Variants in VPS13C observed in about 807,000 individuals in gnomAD.
The protein encoded by VPS13C is intermembrane lipid transfer protein VPS13C.
VPS13C carries 358 observed loss-of-function variants against 456.8 expected under a neutral mutation model. The observed-to-expected ratio is 0.78, with a 90% CI of 0.72 to 0.86. VPS13C has a LOEUF of 0.86. Among genes scored for constraint, VPS13C ranks in the 40% least tolerant of loss-of-function variants. The pLI is 0.00. For missense variants in VPS13C, 4,818 were observed against 4,385.4 expected, an observed-to-expected ratio of 1.10 and a Z score of -2.79; for synonymous variants, 1,578 against 1,486.7, an observed-to-expected ratio of 1.06 and a Z score of -1.41.
At chr15:62,012,926 G>T in intron 11 of VPS13C, 113 bp downstream of exon 11, 1 of 583,468 alleles carries the variant, frequency 1.7e-6, no homozygotes, top group Non-Finnish European at 2.8e-6. Context: ...CTGATTTAGT[G>T]AAATACAAGT....
chr15:61,878,871 T>C (rs1374902567), intron 73 of VPS13C, 125 bp from the exon 74 acceptor site: 2 of 976,964 alleles, frequency 2.0e-6, no homozygotes, highest in Non-Finnish European at 2.9e-6. Context: ...AAAGCTATTA[T>C]TTGATACCAC....
chr15:61,947,075 A>G, intron 43 of VPS13C, 118 bp downstream of exon 43: 1 of 647,370 alleles, frequency 1.5e-6, no homozygotes, highest in Non-Finnish European at 2.6e-6. Flanking sequence ...AAAAGTTTGC[A>G]AAGTCTTCAA....
rs2043319509 is a variant in VPS13C at position 61,912,128 on chromosome 15, T to C, written c.8551-124A>G. The C allele has an allele frequency of 5.6e-6, 5 of 898,574 alleles. No individual in the cohort carries two copies. In the Admixed American group the frequency reaches 1.2e-4, roughly 22 times the overall value. The allele number at this position is 898,574 out of a possible 1,614,324, so 55.7% of individuals were successfully genotyped here. Reference sequence around the variant, plus strand: ...AATAATAATTCTTAAATAAAGCAACTATAAGTTACATTCTGCAAAAGATTA... The same window carrying C: ...AATAATAATTCTTAAATAAAGCAACCATAAGTTACATTCTGCAAAAGATTA... On this transcript the variant is annotated intron_variant, in intron 62 of 84. Transcript: ENST00000644861.
rs1893798150 is a variant in VPS13C at position 61,854,446 on chromosome 15, G to A, written c.*11C>T. ...GTTTTTTCTCCCTGTTGGAGCCCCT[G>A]AGGTCTGTGATTAAGATGGCAATTG... is the stretch of plus-strand genomic sequence containing the variant. On this transcript the variant is annotated 3_prime_UTR_variant, in exon 85 of 85. Transcript: ENST00000644861. 2 of 1,611,840 alleles carry A rather than the reference G, an allele frequency of 1.2e-6. No individual in the cohort carries two copies. The highest frequency in any genetic ancestry group is 2.7e-5 in the African/African-American group (2 of 74,872).
In VPS13C at chr15:61,919,191, T is replaced by C. The variant is rs963023; in HGVS notation, c.7638+98A>G. The C allele has an allele frequency of 0.044, 52,551 of 1,193,894 alleles. 2,695 individuals are homozygous for C. Among genetic ancestry groups the C allele is most frequent in the East Asian group, 0.22 (7,990 of 36,630 alleles). The allele number at this position is 1,193,894 out of a possible 1,614,324, so 74.0% of individuals were successfully genotyped here. The stretch of plus-strand genomic sequence containing the variant: ...ACTATTTATTTCTGAATAATCAGAA[T>C]TGACCTGATGAAGTTTTACTGTATT... On this transcript the variant is annotated intron_variant, in intron 58 of 84. Transcript: ENST00000644861.
Position 61,940,597 on chromosome 15 carries a change from C to T in VPS13C, c.5601+50G>A, listed in dbSNP as rs7172838. ...TCCACTAGAACTGCACTATGATCAA[C>T]GAGAAAAGCCTATCAAGAAATTTTC... On this transcript the variant is annotated intron_variant, in intron 47 of 84. Coordinates refer to ENST00000644861, the MANE Select transcript of VPS13C (RefSeq NM_020821.3). 858,974 of 1,562,220 alleles carry T rather than the reference C, an allele frequency of 0.55. 238,082 individuals are homozygous for T. The highest frequency in any genetic ancestry group is 0.68 in the Admixed American group (37,901 of 56,010).
At chr15:61,888,765 T>C (rs1270805799) in intron 67 of VPS13C, among the ~76,000 whole-genome samples, 1 of 152,168 alleles carries the variant, frequency 6.6e-6, no homozygotes, top group African/African-American at 2.4e-5. Context: ...TCTTATATAA[T>C]ACTGTAATGG....
intron 66 of VPS13C, among the ~76,000 whole-genome samples, chr15:61,894,470 G>A (rs2042744444): frequency 6.6e-6 from 1 of 151,960 alleles, no homozygotes; most frequent in Non-Finnish European, 1.5e-5. Context: ...CCAACTATAT[G>A]TTGTCTACCA....
At chr15:61,999,441 G>T (rs1217477130) in intron 16 of VPS13C, among the ~76,000 whole-genome samples, 1 of 151,874 alleles carries the variant, frequency 6.6e-6, no homozygotes. Context: ...TAATTGTGTG[G>T]GGGCTTGGCG....
chr15:62,050,719 T>C (rs2048588443), intron 1 of VPS13C, among the ~76,000 whole-genome samples: 1 of 147,522 alleles, frequency 6.8e-6, no homozygotes, highest in African/African-American at 2.5e-5. Context: ...GAAGAATCAC[T>C]CGAACCAGAA....
chr15:62,015,415 A>G (rs1000043458), intron 9 of VPS13C, among the ~76,000 whole-genome samples: 1 of 151,994 alleles, frequency 6.6e-6, no homozygotes, highest in Admixed American at 6.6e-5. Context: ...TGTTTTGGAC[A>G]TGAAGTCCTT....
At chr15:62,005,657 G>T (rs551351728) in intron 15 of VPS13C, among the ~76,000 whole-genome samples, 4 of 150,240 alleles carry the variant, frequency 2.7e-5, no homozygotes, top group African/African-American at 9.8e-5. Context: ...GGCTGGTACC[G>T]GTTGTTCCTT....
chr15:61,882,500 C>A, intron 69 of VPS13C, 96 bp downstream of exon 69: 3 of 1,137,976 alleles, frequency 2.6e-6, no homozygotes, highest in East Asian at 6.1e-5. Context: ...GAAAAGATAC[C>A]AATTACAATG....
intron 13 of VPS13C, among the ~76,000 whole-genome samples, chr15:62,010,230 G>T (rs576150514): frequency 3.4e-4 from 52 of 152,034 alleles, no homozygotes; most frequent in African/African-American, 1.2e-3. Flanking sequence ...GAGTCAAATG[G>T]AAATAATGTC....
At chr15:62,004,831 T>C (rs1427223522) in intron 15 of VPS13C, among the ~76,000 whole-genome samples, 1 of 152,164 alleles carries the variant, frequency 6.6e-6, no homozygotes, top group Non-Finnish European at 1.5e-5. Flanking sequence ...TTGAGCGGTT[T>C]TGAGTGAGAT....
At chr15:61,912,510 A>G (rs886860090) in intron 62 of VPS13C, among the ~76,000 whole-genome samples, 20 of 151,706 alleles carry the variant, frequency 1.3e-4, no homozygotes, top group African/African-American at 4.6e-4. Flanking sequence ...GATGGATTAA[A>G]CTCAATGTCC....
intron 8 of VPS13C, among the ~76,000 whole-genome samples, chr15:62,021,084 T>C (rs1174356352): frequency 6.6e-6 from 1 of 151,922 alleles, no homozygotes; most frequent in Non-Finnish European, 1.5e-5. Flanking sequence ...AAGTGGCAGC[T>C]AAATAATGAA....
intron 6 of VPS13C, among the ~76,000 whole-genome samples, chr15:62,024,816 T>A (rs2140592555): frequency 6.6e-6 from 1 of 152,202 alleles, no homozygotes; most frequent in East Asian, 1.9e-4. Context: ...TATTTCTACT[T>A]TCCCAAACAA....
chr15:61,871,077 T>C (rs986059344), intron 79 of VPS13C, among the ~76,000 whole-genome samples: 2 of 152,174 alleles, frequency 1.3e-5, no homozygotes, highest in Non-Finnish European at 2.9e-5. Context: ...GTCTTCATGG[T>C]TGTCCTTTGA....
Sources: gnomAD v4.1 joint callset for allele counts (sites outside exome capture counted in the v4.1 genomes callset) on GRCh38, gnomAD v4.1.1 for gene constraint, MANE v1.5 for transcripts, NCBI Gene and HGNC (gene_info 2026-07-23, HGNC 2026-07-21) for gene names.